CAMKMT: variants seen among roughly 807,000 people sequenced by gnomAD.
CAMKMT encodes CaM KMT.
A neutral mutation model predicts 48.0 loss-of-function variants in CAMKMT; 53 were observed. The observed-to-expected ratio is 1.10, with a 90% confidence interval of 0.89 to 1.39. The LOEUF (loss-of-function observed/expected upper bound fraction) is 1.39. Ranked by LOEUF, CAMKMT falls within the 40% of genes most tolerant of loss-of-function variation. The pLI, the probability that CAMKMT is intolerant of heterozygous loss-of-function variation, is 0.00. For missense variants in CAMKMT, 428 were observed against 402.7 expected, an observed-to-expected ratio of 1.06 and a Z score of -0.54; for synonymous variants, 165 against 152.3, an observed-to-expected ratio of 1.08 and a Z score of -0.61.
intron 3 of CAMKMT, among the ~76,000 whole-genome samples, chr2:44,661,665 G>A (rs1674686471): frequency 6.6e-6 from 1 of 152,138 alleles, no homozygotes; most frequent in Admixed American, 6.5e-5. Flanking sequence ...AATTACTTGT[G>A]TTTTGTTTCT....
In CAMKMT at chr2:44,390,224, G is replaced by A. The variant is rs760280465; in HGVS notation, c.312-17G>A. 22 of 1,594,264 alleles carry A rather than the reference G, an allele frequency of 1.4e-5. No homozygotes were observed. Among genetic ancestry groups the A allele is most frequent in the South Asian group, 5.7e-5 (5 of 87,932 alleles). The stretch of plus-strand genomic sequence containing the variant: ...ACATTTCAGAATCATTAAAGCAAAC[G>A]CTTTACTCCTTTCTAGGCATAATAG... On this transcript the variant is annotated splice_polypyrimidine_tract_variant and intron_variant, in intron 2 of 10. Coordinates refer to ENST00000378494, the MANE Select transcript of CAMKMT (RefSeq NM_024766.5).
At chr2:44,478,224 A>G (rs916590446) in intron 3 of CAMKMT, among the ~76,000 whole-genome samples, 46 of 152,220 alleles carry the variant, frequency 3.0e-4, no homozygotes, top group African/African-American at 1.1e-3. Context: ...CAGCATTTCA[A>G]TAATAATTTT....
At chr2:44,380,683 A>G (rs1001514526) in intron 2 of CAMKMT, among the ~76,000 whole-genome samples, 1 of 152,230 alleles carries the variant, frequency 6.6e-6, no homozygotes, top group Non-Finnish European at 1.5e-5. Context: ...TAGTTTTGAA[A>G]ATAGTGATTA....
chr2:44,662,338 G>A (rs1045132627), intron 3 of CAMKMT, among the ~76,000 whole-genome samples: 3 of 152,172 alleles, frequency 2.0e-5, no homozygotes, highest in African/African-American at 7.2e-5. Flanking sequence ...AGAGGAGAGT[G>A]GGGCCAACTG....
At chr2:44,540,568 T>C (rs554295606) in intron 3 of CAMKMT, among the ~76,000 whole-genome samples, 1 of 152,014 alleles carries the variant, frequency 6.6e-6, no homozygotes, top group South Asian at 2.1e-4. Context: ...CTGGGCAACA[T>C]GGCAAAACCT....
chr2:44,772,203 T>G lies in CAMKMT; in HGVS notation c.*90T>G. On this transcript the variant is annotated 3_prime_UTR_variant, in exon 11 of 11. Transcript: ENST00000378494. ...GAAATCTGTAAGGGGTATAATCGCCTGCCTGCGCCCTTTGCAGCATTTCAC... is the reference window on the plus strand; with the variant it reads ...GAAATCTGTAAGGGGTATAATCGCCGGCCTGCGCCCTTTGCAGCATTTCAC... 1 of 1,058,636 alleles carries G rather than the reference T, an allele frequency of 9.4e-7. No individual in the cohort carries two copies. The highest frequency in any genetic ancestry group is 1.4e-6 in the Non-Finnish European group (1 of 695,456). The allele number at this position is 1,058,636 out of a possible 1,614,324, so 65.6% of individuals were successfully genotyped here. A position where few individuals can be genotyped will look rare whatever the true frequency, so the allele number is the denominator to read the frequency against.
At chr2:44,510,865 G>A (rs1010789561) in intron 3 of CAMKMT, among the ~76,000 whole-genome samples, 1 of 151,668 alleles carries the variant, frequency 6.6e-6, no homozygotes, top group African/African-American at 2.4e-5. Context: ...TTTTGAGGTG[G>A]AGTCTTGCTG....
chr2:44,480,251 C>T lies in CAMKMT; in HGVS notation c.376+89946C>T, dbSNP rs1262563988. Among the ~76,000 whole-genome samples the T allele has an allele frequency of 2.6e-5, 4 of 152,184 alleles. No individual in the cohort carries two copies. In the South Asian group the frequency reaches 8.3e-4, roughly 32 times the overall value. ...AGTACTGTACTCTTAGAGCAACTCA[C>T]CTTTTGCCACTCCCAAGCAGCAGAG... On this transcript the variant is annotated intron_variant, in intron 3 of 10. Coordinates refer to ENST00000378494, the MANE Select transcript of CAMKMT (RefSeq NM_024766.5).
chr2:44,733,600 A>G (rs1215337713), intron 7 of CAMKMT, among the ~76,000 whole-genome samples: 1 of 152,182 alleles, frequency 6.6e-6, no homozygotes, highest in Admixed American at 6.5e-5. Context: ...TTTTCAGGCC[A>G]AAGAATTTCC....
At chr2:44,423,111 G>A (rs1067374) in intron 3 of CAMKMT, among the ~76,000 whole-genome samples, 111,554 of 152,082 alleles carry the variant, frequency 0.73, 41,765 homozygotes, top group African/African-American at 0.83. Flanking sequence ...CCTGGTTTCA[G>A]TAGAATTATC....
Position 44,404,999 on chromosome 2 carries a change from C to A in CAMKMT, c.376+14694C>A, listed in dbSNP as rs143898133. Among the ~76,000 whole-genome samples, 49 of 151,980 alleles carry A rather than the reference C, an allele frequency of 3.2e-4. No homozygotes were observed. The East Asian group carries it at 6.9e-3, about 22-fold the overall frequency. On this transcript the variant is annotated intron_variant, in intron 3 of 10. Transcript: ENST00000378494. ...TCATGGAGGCAAAAATACGAAAATG[C>A]GTTGTGTTTAAATTTCTTAGACAAG...
At chr2:44,665,954 C>A (rs1674942549) in intron 3 of CAMKMT, among the ~76,000 whole-genome samples, 2 of 152,160 alleles carry the variant, frequency 1.3e-5, no homozygotes, top group African/African-American at 4.8e-5. Context: ...AATCACTCAC[C>A]CGTCAAACTG....
At chr2:44,559,993 A>C (rs144067287) in intron 3 of CAMKMT, among the ~76,000 whole-genome samples, 1 of 152,216 alleles carries the variant, frequency 6.6e-6, no homozygotes, top group African/African-American at 2.4e-5. Context: ...ATTTTATGCC[A>C]ATCAAAGTCA....
chr2:44,462,809 G>C (rs1027458086), intron 3 of CAMKMT, among the ~76,000 whole-genome samples: 1 of 152,080 alleles, frequency 6.6e-6, no homozygotes, highest in African/African-American at 2.4e-5. Flanking sequence ...TTAATCTAAA[G>C]ATTTCTTCTT....
At chr2:44,517,416 C>A (rs1285129643) in intron 3 of CAMKMT, among the ~76,000 whole-genome samples, 1 of 152,118 alleles carries the variant, frequency 6.6e-6, no homozygotes, top group Non-Finnish European at 1.5e-5. Flanking sequence ...AGCAGACTCT[C>A]CTAATTTTCA....
chr2:44,697,438 G>A (rs1677017385), intron 3 of CAMKMT, among the ~76,000 whole-genome samples: 1 of 152,022 alleles, frequency 6.6e-6, no homozygotes, highest in Admixed American at 6.6e-5. Context: ...TACCAGGAGA[G>A]ATTTCCTCAT....
At chr2:44,661,804 T>G (rs1179654418) in intron 3 of CAMKMT, among the ~76,000 whole-genome samples, 1 of 152,282 alleles carries the variant, frequency 6.6e-6, no homozygotes, top group East Asian at 1.9e-4. Flanking sequence ...GTAGTCTTAG[T>G]AGACACAACC....
At chr2:44,551,216 CG>C (rs888689296) in intron 3 of CAMKMT, among the ~76,000 whole-genome samples, 1 of 152,062 alleles carries the variant, frequency 6.6e-6, no homozygotes, top group African/African-American at 2.4e-5. Flanking sequence ...GAACTGGATA[CG>C]GGGCTTTACA....
At chr2:44,547,914 G>C (rs1667493115) in intron 3 of CAMKMT, among the ~76,000 whole-genome samples, 1 of 152,166 alleles carries the variant, frequency 6.6e-6, no homozygotes. Flanking sequence ...AGCTGTCCTT[G>C]AGTGTCCCTC....
Sources: gnomAD v4.1 joint callset for allele counts (sites outside exome capture counted in the v4.1 genomes callset) on GRCh38, gnomAD v4.1.1 for gene constraint, MANE v1.5 for transcripts, NCBI Gene and HGNC (gene_info 2026-07-23, HGNC 2026-07-21) for gene names.